The following FHIT variants were observed in gnomAD, a reference collection of about 807,000 sequenced individuals.
The protein encoded by FHIT is fragile histidine triad diadenosine triphosphatase.
In FHIT, 19 loss-of-function variants were observed where a neutral mutation model predicts 17.9. The observed-to-expected ratio is 1.06, with a 90% CI of 0.74 to 1.56. FHIT has a LOEUF of 1.56. Among genes scored for constraint, FHIT ranks in the 40% most tolerant of loss-of-function variants. The pLI is 0.00. For missense variants in FHIT, 248 were observed against 189.2 expected (o/e 1.31, Z -1.82); for synonymous variants, 81 against 69.7 (o/e 1.16, Z -0.81).
intron 3 of FHIT, among the ~76,000 whole-genome samples, chr3:60,943,646 T>C (rs1241720575): frequency 6.6e-6 from 1 of 152,154 alleles, no homozygotes; most frequent in Admixed American, 6.5e-5. Context: ...TTTCAACTAA[T>C]TAATCTACAG....
intron 4 of FHIT, among the ~76,000 whole-genome samples, chr3:60,713,478 T>G (rs1435849297): frequency 3.4e-5 from 5 of 148,882 alleles, no homozygotes; most frequent in African/African-American, 1.2e-4. Context: ...AAAAAATTAA[T>G]GAATCCAGGA....
intron 2 of FHIT, among the ~76,000 whole-genome samples, chr3:61,138,678 C>T (rs539352085): frequency 6.6e-6 from 1 of 152,316 alleles, no homozygotes; most frequent in South Asian, 2.1e-4. Flanking sequence ...TCAGCACATC[C>T]TTCTAACTCG....
At chr3:61,148,564 A>G (rs2037293922) in intron 2 of FHIT, among the ~76,000 whole-genome samples, 1 of 152,138 alleles carries the variant, frequency 6.6e-6, no homozygotes, top group African/African-American at 2.4e-5. Context: ...GTACCACCTC[A>G]TTGTATGACT....
intron 3 of FHIT, among the ~76,000 whole-genome samples, chr3:60,836,366 T>C (rs1224070874): frequency 6.6e-6 from 1 of 152,206 alleles, no homozygotes; most frequent in Non-Finnish European, 1.5e-5. Context: ...ATTCTTTAAA[T>C]GTTTGGTAAA....
chr3:60,584,298 TC>T (rs1214992454), intron 4 of FHIT, among the ~76,000 whole-genome samples: 1 of 151,858 alleles, frequency 6.6e-6, no homozygotes, highest in African/African-American at 2.4e-5. Context: ...AGGCTTTTTT[TC>T]CCCTCTGAGA....
At chr3:60,011,249 G>A (rs946589714) in intron 7 of FHIT, 122 bp downstream of exon 7, 98 of 857,164 alleles carry the variant, frequency 1.1e-4, no homozygotes, top group Non-Finnish European at 1.9e-4. Context: ...AACACTGAGG[G>A]TCTCTCTGAC....
Position 60,915,184 on chromosome 3 carries a change from C to T in FHIT, c.-110-93173G>A, listed in dbSNP as rs531876625. On this transcript the variant is annotated intron_variant, in intron 3 of 9. Coordinates refer to ENST00000492590, the MANE Select transcript of FHIT (RefSeq NM_002012.4). ...TTTTTTTCTTCTTTGCCCCTACTCA[C>T]ACCAGAAACCTAATATGAGCAATGG... Among the ~76,000 whole-genome samples the T allele has an allele frequency of 2.7e-4, 41 of 152,112 alleles. No homozygotes were observed. The East Asian group carries it at 6.2e-3, about 23-fold the overall frequency.
At chr3:60,121,721 CACACACACACA>C in intron 5 of FHIT, among the ~76,000 whole-genome samples, 1 of 123,470 alleles carries the variant, frequency 8.1e-6, no homozygotes, top group East Asian at 7.3e-4. Flanking sequence ...CACACACACA[CACACACACACA>C]CACACACACA....
At chr3:60,393,466 T>C (rs1032700010) in intron 5 of FHIT, among the ~76,000 whole-genome samples, 1 of 150,784 alleles carries the variant, frequency 6.6e-6, no homozygotes, top group African/African-American at 2.4e-5. Context: ...TAAATTTGCA[T>C]GTAATTTTTA....
At chr3:61,197,346 C>T (rs1039345206) in intron 2 of FHIT, among the ~76,000 whole-genome samples, 1 of 152,172 alleles carries the variant, frequency 6.6e-6, no homozygotes, top group Admixed American at 6.5e-5. Context: ...AGTCACAAAG[C>T]TAGCAAATGG....
At chr3:60,579,235 C>T (rs544977907) in intron 4 of FHIT, among the ~76,000 whole-genome samples, 119 of 152,176 alleles carry the variant, frequency 7.8e-4, no homozygotes, top group African/African-American at 2.6e-3. Context: ...AGGCTATACG[C>T]TATATGCTAT....
At chr3:61,009,158 G>C (rs1449486534) in intron 3 of FHIT, among the ~76,000 whole-genome samples, 1 of 152,134 alleles carries the variant, frequency 6.6e-6, no homozygotes, top group Non-Finnish European at 1.5e-5. Context: ...CTCTGCCCCA[G>C]CTTAAGAAGC....
chr3:59,890,890 C>G lies in FHIT; in HGVS notation c.348+31456G>C, dbSNP rs535755498. Among the ~76,000 whole-genome samples the G allele has an allele frequency of 7.2e-5, 11 of 152,258 alleles. No individual in the cohort carries two copies. The East Asian group carries it at 1.5e-3, about 21-fold the overall frequency. On this transcript the variant is annotated intron_variant, in intron 8 of 9. Transcript: ENST00000492590. ...CATAGAATTTCCTTCATTTCTCCCCCCCAACACTGGCTCTCATAATCTGTT... is the reference window on the plus strand; with the variant it reads ...CATAGAATTTCCTTCATTTCTCCCCGCCAACACTGGCTCTCATAATCTGTT...
chr3:60,575,585 A>T (rs1166923737), intron 4 of FHIT, among the ~76,000 whole-genome samples: 1 of 152,214 alleles, frequency 6.6e-6, no homozygotes, highest in African/African-American at 2.4e-5. Context: ...AGAATTAAGA[A>T]GACCACAGTA....
chr3:60,132,790 A>C (rs977769140), intron 5 of FHIT, among the ~76,000 whole-genome samples: 1 of 152,182 alleles, frequency 6.6e-6, no homozygotes, highest in Non-Finnish European at 1.5e-5. Flanking sequence ...AAATAAGGTA[A>C]AATGCCAGAG....
rs571246089 is a variant in FHIT at position 61,027,383 on chromosome 3, G to A, written c.-111+14664C>T. Among the ~76,000 whole-genome samples the A allele has an allele frequency of 1.1e-4, 17 of 152,266 alleles. No individual in the cohort carries two copies. In the South Asian group the frequency reaches 2.7e-3, roughly 24 times the overall value. On this transcript the variant is annotated intron_variant, in intron 3 of 9. Transcript: ENST00000492590. ...ATTACAGGCTTGTGCCAGCGCACCC[G>A]GCCCTTATACTTTTATTATCTATAC...
At chr3:60,211,148 C>A (rs1703434571) in intron 5 of FHIT, among the ~76,000 whole-genome samples, 2 of 149,632 alleles carry the variant, frequency 1.3e-5, no homozygotes, top group Non-Finnish European at 3.0e-5. Flanking sequence ...ACTAAATGCT[C>A]TCCAGGCTAT....
At chr3:60,285,823 T>C (rs1707699400) in intron 5 of FHIT, among the ~76,000 whole-genome samples, 1 of 152,224 alleles carries the variant, frequency 6.6e-6, no homozygotes, top group African/African-American at 2.4e-5. Flanking sequence ...CATGTGATAA[T>C]GTAATACATT....
chr3:60,433,619 G>T (rs1039500911), intron 5 of FHIT, among the ~76,000 whole-genome samples: 8 of 152,044 alleles, frequency 5.3e-5, no homozygotes, highest in Non-Finnish European at 1.5e-5. Context: ...ATCCTAACAG[G>T]TGTGAGGTGT....
Sources: allele counts gnomAD v4.1 joint callset (sites outside exome capture counted in the v4.1 genomes callset), GRCh38; gene constraint gnomAD v4.1.1; transcripts MANE v1.5; gene names NCBI Gene and HGNC (gene_info 2026-07-23, HGNC 2026-07-21).